Variants in GUCY2F observed in about 807,000 individuals in gnomAD.
The protein encoded by GUCY2F is retinal guanylyl cyclase 2.
GUCY2F carries 61 observed loss-of-function variants against 73.1 expected under a neutral mutation model. The ratio of observed to expected loss-of-function variants is 0.83; its 90% confidence interval spans 0.68 to 1.03. The LOEUF (loss-of-function observed/expected upper bound fraction) is 1.03, where lower values mean the gene tolerates loss of function less well. Among genes scored for constraint, GUCY2F ranks in the 50% least tolerant of loss-of-function variants. The pLI, the probability that GUCY2F is intolerant of heterozygous loss-of-function variation, is 0.00. For missense variants in GUCY2F, 912 were observed against 854.3 expected (o/e 1.07, Z -0.84); for synonymous variants, 331 against 307.8 (o/e 1.08, Z -0.79).
chrX:109,420,685 A>T (rs1002523436), intron 8 of GUCY2F, among the ~76,000 whole-genome samples: 2 of 112,182 alleles, frequency 1.8e-5, no homozygotes, highest in Non-Finnish European at 3.8e-5. Context: ...ACACAAGAAG[A>T]TATACAAGTG....
At chrX:109,405,978 A>G (rs1349590344) in intron 9 of GUCY2F, among the ~76,000 whole-genome samples, 1 of 111,706 alleles carries the variant, frequency 9.0e-6, no homozygotes, top group Non-Finnish European at 1.9e-5. Flanking sequence ...CTTAAAGGGA[A>G]TTGGCATGAG....
chrX:109,424,763 G>A (rs940316799), intron 8 of GUCY2F, among the ~76,000 whole-genome samples: 16 of 109,230 alleles, frequency 1.5e-4, no homozygotes, highest in African/African-American at 5.1e-4. Context: ...TAGTGAACAG[G>A]GAACACTTTT....
Position 109,409,156 on chromosome X carries a change from G to T in GUCY2F, c.1804C>A (p.Arg602Ser). The part of the protein sequence containing the change: ...SDVFEMMKDL[R>S]HENINPLLGF... Reference sequence around the variant, plus strand: ...AATAAAGGGTTAATATTCTCATGACGCAAGTCCTTCATCTGGAAATGAGAG... The same window carrying T: ...AATAAAGGGTTAATATTCTCATGACTCAAGTCCTTCATCTGGAAATGAGAG... The change falls in exon 9 of 20, where the codon CGT (arginine) becomes AGT (serine). Residue 602 changes from arginine (R) to serine (S), a missense_variant. Arg to Ser is a moderately radical substitution (Grantham distance 110). Transcript: ENST00000218006. The T allele has an allele frequency of 9.1e-7, 1 of 1,095,453 alleles. No individual in the cohort carries two copies. Among genetic ancestry groups the T allele is most frequent in the Non-Finnish European group, 1.3e-6 (1 of 791,920 alleles). 90.3% of individuals were successfully genotyped at this position (1,095,453 alleles called of 1,213,427 possible). A position where few individuals can be genotyped will look rare whatever the true frequency, so the allele number is the denominator to read the frequency against.
chrX:109,475,560 G>A lies in GUCY2F; in HGVS notation c.377C>T (p.Pro126Leu). ...HHQMASGFIG[P>L]TNPGYCEAAS... ...TGCCTCGCAGTAGCCAGGGTTGGTA[G>A]GTCCAATAAATCCTGAGGCCATCTG... Residue 126 changes from proline to leucine, a missense_variant, in exon 2 of 20, where the codon CCT becomes CTT. Physicochemically the swap from Pro to Leu is moderately conservative, Grantham distance 98. Coordinates refer to ENST00000218006, the MANE Select transcript of GUCY2F (RefSeq NM_001522.3). The A allele has an allele frequency of 8.3e-7, 1 of 1,211,376 alleles. No individual in the cohort carries two copies. Among genetic ancestry groups the A allele is most frequent in the South Asian group, 1.8e-5 (1 of 56,952 alleles).
intron 8 of GUCY2F, among the ~76,000 whole-genome samples, chrX:109,410,954 C>T (rs895024365): frequency 1.8e-5 from 2 of 111,036 alleles, no homozygotes; most frequent in African/African-American, 6.6e-5. Context: ...GGACAGGAGC[C>T]ATATCCCATG....
At chrX:109,393,593 C>T (rs1443627738) in intron 12 of GUCY2F, among the ~76,000 whole-genome samples, 4 of 111,606 alleles carry the variant, frequency 3.6e-5, no homozygotes, top group African/African-American at 1.3e-4. Flanking sequence ...CTATTTCTTA[C>T]CGTGGAGTCC....
rs1421677780 is a variant in GUCY2F at position 109,434,964 on chromosome X, C to G, written c.1702-4568G>C. Among the ~76,000 whole-genome samples the G allele has an allele frequency of 2.7e-5, 3 of 109,612 alleles. No homozygotes were observed. In the East Asian group the frequency reaches 8.7e-4, roughly 32 times the overall value. ...ATATGTGGCGTTATTTCTGAGGGCT[C>G]TGTTCTGTTCCATTGATCTATATGT... On this transcript the variant is annotated intron_variant, in intron 7 of 19. Transcript: ENST00000218006.
At position 109,398,595 on chromosome X, in the gene GUCY2F, C is replaced by A; in HGVS notation, c.2229G>T (p.Val743=). The part of the protein sequence containing the change: ...VYSFAIIMQE[V]MVRGTPFCMM... ...TGCAGAATGGGGTACCCCGGACCAT[C>A]ACTTCTTGCATGATGATGGCAAAGC... The change falls in exon 11 of 20, where the codon GTG becomes GTT. Residue 743 remains valine, a synonymous_variant. Coordinates refer to ENST00000218006, the MANE Select transcript of GUCY2F (RefSeq NM_001522.3). 3 of 1,208,727 alleles carry A rather than the reference C, an allele frequency of 2.5e-6. No homozygotes were observed. In the Middle Eastern group the frequency reaches 6.9e-4, roughly 279 times the overall value.
chrX:109,465,787 T>C (rs1932457681), intron 2 of GUCY2F, among the ~76,000 whole-genome samples: 1 of 112,295 alleles, frequency 8.9e-6, no homozygotes, highest in South Asian at 3.7e-4. Context: ...TGTACCCTTT[T>C]TTAAATTACT....
intron 1 of GUCY2F, among the ~76,000 whole-genome samples, chrX:109,479,914 C>T (rs1442498906): frequency 2.7e-5 from 3 of 111,237 alleles, no homozygotes; most frequent in South Asian, 3.7e-4. Context: ...AGGGCCTGGC[C>T]AAGAAATCTA....
chrX:109,375,794 C>A, intron 19 of GUCY2F, 104 bp downstream of exon 19: 1 of 597,594 alleles, frequency 1.7e-6, no homozygotes, highest in Non-Finnish European at 2.9e-6. Context: ...CTCCATCACA[C>A]TATGCCAACA....
In GUCY2F at chrX:109,402,205, G is replaced by GAGAGAC. The variant is rs941282243; in HGVS notation, c.2125+2117_2125+2122dup. Reference sequence around the variant, plus strand: ...GAGAATGGAGTAATATGATAAGAGGGAGAGACAGAGACAGAGACAGAGGAG... The same window carrying GAGAGAC: ...GAGAATGGAGTAATATGATAAGAGGGAGAGACAGAGACAGAGACAGAGACAGAGGAG... On this transcript the variant is annotated intron_variant, in intron 10 of 19. Coordinates refer to ENST00000218006, the MANE Select transcript of GUCY2F (RefSeq NM_001522.3). 6.3e-5 allele frequency among the ~76,000 whole-genome samples: 7 copies of GAGAGAC among 110,614 alleles called. 1 individual carries two copies. Among genetic ancestry groups the GAGAGAC allele is most frequent in the Admixed American group, 5.7e-4 (6 of 10,440 alleles).
Position 109,475,254 on chromosome X carries a change from C to T in GUCY2F, c.683G>A (p.Ser228Asn), listed in dbSNP as rs747519626. ...VVLTTGQDSQSMRKALQRIHQ... is the reference protein window; with the variant it reads ...VVLTTGQDSQNMRKALQRIHQ... ...AATCCTCTGGAGGGCTTTCCGCATG[C>T]TTTGGCTGTCTTGTCCTGTGGTCAG... Residue 228 changes from serine (S) to asparagine (N), a missense_variant, in exon 2 of 20, where the codon AGC becomes AAC. Transcript: ENST00000218006. 1.7e-6 allele frequency: 2 copies of T among 1,210,159 alleles called. No individual in the cohort carries two copies. Among genetic ancestry groups the T allele is most frequent in the Non-Finnish European group, 2.2e-6 (2 of 894,186 alleles).
At chrX:109,424,701 C>A (rs1485908467) in intron 8 of GUCY2F, among the ~76,000 whole-genome samples, 1 of 110,916 alleles carries the variant, frequency 9.0e-6, no homozygotes, top group Non-Finnish European at 1.9e-5. Context: ...GCTCAATTTC[C>A]TGTGAACCCA....
chrX:109,415,797 A>G (rs1044707182), intron 8 of GUCY2F, among the ~76,000 whole-genome samples: 2 of 112,277 alleles, frequency 1.8e-5, no homozygotes, highest in East Asian at 5.5e-4. Flanking sequence ...CCTTGCTGGT[A>G]GAAATTATGA....
At chrX:109,396,237 A>G (rs1930704287) in intron 11 of GUCY2F, among the ~76,000 whole-genome samples, 1 of 110,999 alleles carries the variant, frequency 9.0e-6, no homozygotes. Context: ...AATGTCTCAG[A>G]CTTCACGTGG....
chrX:109,386,874 C>A (rs910185370), intron 15 of GUCY2F, among the ~76,000 whole-genome samples: 2 of 111,359 alleles, frequency 1.8e-5, no homozygotes, highest in Non-Finnish European at 3.8e-5. Context: ...AATGGTGAAC[C>A]CTACAAGAAG....
In GUCY2F at chrX:109,393,036, C is replaced by A; in HGVS notation, c.2444G>T (p.Gly815Val). 9.1e-7 allele frequency: 1 copy of A among 1,099,842 alleles called. No homozygotes were observed. Among genetic ancestry groups the A allele is most frequent in the Non-Finnish European group, 1.3e-6 (1 of 798,768 alleles). 90.6% of individuals were successfully genotyped at this position (1,099,842 alleles called of 1,213,427 possible). A position where few individuals can be genotyped will look rare whatever the true frequency, so the allele number is the denominator to read the frequency against. ...AGAATCAATAATATTGGTCTTCTTC[C>A]CTTTATTAAAAGTTTTAAACTGGAA... ...IFNQFKTFNK[G>V]KKTNIIDSML... Residue 815 changes from glycine (G) to valine (V), a missense_variant, in exon 13 of 20, where the codon GGG becomes GTG. By Grantham distance (109) the Gly-to-Val change is moderately radical (BLOSUM62 -3). Coordinates refer to ENST00000218006, the MANE Select transcript of GUCY2F (RefSeq NM_001522.3).
intron 1 of GUCY2F, 74 bp from the exon 2 acceptor site, chrX:109,476,095 T>C (rs1385386926): frequency 2.9e-6 from 1 of 344,050 alleles, no homozygotes. Flanking sequence ...TGTGAAAGAA[T>C]GGCAAAAAAA....
Sources: gnomAD v4.1 joint callset for allele counts (sites outside exome capture counted in the v4.1 genomes callset) on GRCh38, gnomAD v4.1.1 for gene constraint, MANE v1.5 for transcripts, NCBI Gene and HGNC (gene_info 2026-07-23, HGNC 2026-07-21) for gene names.